Variants in PLEKHG4 observed in about 807,000 individuals in gnomAD.
The protein encoded by PLEKHG4 is puratrophin-1.
A neutral mutation model predicts 136.9 loss-of-function variants in PLEKHG4; 85 were observed. The ratio of observed to expected loss-of-function variants is 0.62; its 90% CI spans 0.52 to 0.74. The LOEUF (loss-of-function observed/expected upper bound fraction) is 0.74, where lower values mean the gene tolerates loss of function less well. Ranked by LOEUF, PLEKHG4 falls within the 30% of genes least tolerant of loss-of-function variation. The probability of loss-of-function intolerance (pLI) is 0.00; values close to 1 mark genes in which losing one functional copy is unlikely to be tolerated. For synonymous variants in PLEKHG4, 577 were observed against 646.9 expected, an observed-to-expected ratio of 0.89 and a Z score of 1.64; for missense variants, 1,317 against 1,527.8, an observed-to-expected ratio of 0.86 and a Z score of 2.30.
intron 18 of PLEKHG4, 149 bp downstream of exon 18, chr16:67,287,326 G>A: frequency 1.2e-6 from 1 of 807,080 alleles, no homozygotes; most frequent in Non-Finnish European, 2.1e-6. Context: ...TTCAAAGCCA[G>A]GCAGCCTTGC....
intron 14 of PLEKHG4, 118 bp from the exon 15 acceptor site, chr16:67,286,156 G>C: frequency 1.3e-6 from 1 of 764,382 alleles, no homozygotes; most frequent in Non-Finnish European, 2.4e-6. Context: ...TGTAGGGGAG[G>C]CCTCCCTAAG....
At position 67,288,647 on chromosome 16, in the gene PLEKHG4, C is replaced by T. The variant is rs761191083; in HGVS notation, c.3570+43C>T. 9.3e-6 allele frequency: 15 copies of T among 1,611,350 alleles called. No homozygotes were observed. In the Admixed American group the frequency reaches 2.3e-4, roughly 25 times the overall value. ...TATACCCACCAGCCCTTCCCCAGCC[C>T]AAGCTGAGCCTGTGACTGTGACCAG... On this transcript the variant is annotated intron_variant, in intron 21 of 21. Transcript: ENST00000379344.
At chr16:67,286,065 TGGG>T (rs1398175617) in intron 14 of PLEKHG4, among the ~76,000 whole-genome samples, 2 of 152,080 alleles carry the variant, frequency 1.3e-5, no homozygotes, top group African/African-American at 4.8e-5. Context: ...GCTTCTTCCT[TGGG>T]GGCCTGTGGG....
chr16:67,279,068 C>T (rs2142414913), upstream of PLEKHG4: 1 of 152,392 alleles, frequency 6.6e-6, no homozygotes, highest in East Asian at 1.9e-4. Flanking sequence ...AAGGCCTTCC[C>T]CTCCCGTCGG....
In PLEKHG4 at chr16:67,286,491, TG is replaced by T. The variant is rs761836233; in HGVS notation, c.2580del (p.Leu861Ter). On this transcript the variant is annotated frameshift_variant, in exon 16 of 22. Coordinates refer to ENST00000379344, the MANE Select transcript of PLEKHG4 (RefSeq NM_001129729.3). LOFTEE classifies it high-confidence loss of function. Reference protein sequence around the residue: ...LGDHLDLASYLLKPIQRMGKY... With the variant: ...LGDHLDLASYXLKPIQRMGKY... ...GACCACCTGGACCTGGCCTCCTACC[TG>T]CTAAAGCCCATCCAGCGCATGGGCA... 1 of 1,605,002 alleles carries T rather than the reference TG, an allele frequency of 6.2e-7. No individual in the cohort carries two copies. The highest frequency in any genetic ancestry group is 1.1e-5 in the South Asian group (1 of 89,998).
In PLEKHG4 at chr16:67,280,352, A is replaced by C; in HGVS notation, c.308A>C (p.Glu103Ala). The change falls in exon 2 of 22, where the codon GAG (glutamate) becomes GCG (alanine). Residue 103 changes from glutamate (E) to alanine (A), a missense_variant. Transcript: ENST00000379344. The surrounding 1 kb of genome is among the most constrained non-coding windows in gnomAD (Gnocchi z 4.4). Reference protein sequence around the residue: ...LSEGPGPSGVESLLCPMSSHL... With the variant: ...LSEGPGPSGVASLLCPMSSHL... Reference sequence around the variant, plus strand: ...GAAGGGCCAGGCCCCTCTGGAGTGGAGAGTCTCCTATGCCCCATGTCCTCC... The same window carrying C: ...GAAGGGCCAGGCCCCTCTGGAGTGGCGAGTCTCCTATGCCCCATGTCCTCC... 1 of 1,613,574 alleles carries C rather than the reference A, an allele frequency of 6.2e-7. No individual in the cohort carries two copies.
intron 15 of PLEKHG4, 34 bp downstream of exon 15, chr16:67,286,397 T>G (rs753522274): frequency 6.2e-7 from 1 of 1,607,924 alleles, no homozygotes; most frequent in Non-Finnish European, 8.5e-7. Flanking sequence ...GAGTAGGGGA[T>G]GCGGGGAGTG....
intron 14 of PLEKHG4, among the ~76,000 whole-genome samples, chr16:67,285,954 G>A (rs1175768551): frequency 2.6e-5 from 4 of 152,176 alleles, no homozygotes; most frequent in Non-Finnish European, 5.9e-5. Context: ...CTGCCAAGGA[G>A]GTGGCTGAGT....
At chr16:67,288,765 C>T (rs1567444023) in intron 21 of PLEKHG4, 38 bp from the exon 22 acceptor site, 1 of 1,613,278 alleles carries the variant, frequency 6.2e-7, no homozygotes, top group Non-Finnish European at 8.5e-7. Flanking sequence ...GGTCCAGAGT[C>T]AGGGAAGCAG....
rs1361153963 is a variant in PLEKHG4 at position 67,285,109 on chromosome 16, G to A, written c.2089G>A (p.Ala697Thr). 8.1e-6 allele frequency: 13 copies of A among 1,613,318 alleles called. No homozygotes were observed. Among genetic ancestry groups the A allele is most frequent in the Non-Finnish European group, 1.0e-5 (12 of 1,180,040 alleles). ...SEPACHCHHA[A>T]TIAACRRPEA... ...ACCTGCCTGCCACTGCCACCATGCG[G>A]CCACTATTGCTGCCTGCCGCAGACC... Residue 697 changes from alanine to threonine, a missense_variant, in exon 13 of 22, where the codon GCC becomes ACC. By Grantham distance (58) the Ala-to-Thr change is moderately conservative. Transcript: ENST00000379344.
In PLEKHG4 at chr16:67,281,149, A is replaced by C; in HGVS notation, c.778A>C (p.Ser260Arg). Residue 260 changes from serine (S) to arginine (R), a missense_variant, in exon 5 of 22, where the codon AGT (serine) becomes CGT (arginine). Transcript: ENST00000379344. Reference protein sequence around the residue: ...VLVDARICAPSSSLFSGLSQL... With the variant: ...VLVDARICAPRSSLFSGLSQL... ...AGTTGATGCCCGAATTTGTGCTCCA[A>C]GTTCTTCCCTCTTCTCTGGGCTCAG... 6.2e-7 allele frequency: 1 copy of C among 1,613,830 alleles called. No homozygotes were observed. The highest frequency in any genetic ancestry group is 1.1e-5 in the South Asian group (1 of 91,070).
At chr16:67,288,634 C>T (rs755547568) in intron 21 of PLEKHG4, 30 bp downstream of exon 21, 18 of 1,612,900 alleles carry the variant, frequency 1.1e-5, no homozygotes, top group Non-Finnish European at 1.4e-5. Flanking sequence ...TACCCACCAG[C>T]CCTTCCCCAG....
Position 67,286,461 on chromosome 16 carries a change from T to G in PLEKHG4, c.2549T>G (p.Leu850Arg). 1 of 1,611,500 alleles carries G rather than the reference T, an allele frequency of 6.2e-7. No individual in the cohort carries two copies. The highest frequency in any genetic ancestry group is 8.5e-7 in the Non-Finnish European group (1 of 1,178,624). ...CGCCCACAGGACAAGCAGCAAGCAC[T>G]GGGGGACCACCTGGACCTGGCCTCC... ...HTFFKDKQQA[L>R]GDHLDLASYL... is the part of the protein sequence containing the mutation. The change falls in exon 16 of 22, where the codon CTG (leucine) becomes CGG (arginine). Residue 850 changes from leucine (L) to arginine (R), a missense_variant. Coordinates refer to ENST00000379344, the MANE Select transcript of PLEKHG4 (RefSeq NM_001129729.3).
In PLEKHG4 at chr16:67,282,025, T is replaced by C. The variant is rs1423628186; in HGVS notation, c.1022T>C (p.Leu341Pro). The C allele has an allele frequency of 2.5e-6, 4 of 1,613,150 alleles. No homozygotes were observed. Among genetic ancestry groups the C allele is most frequent in the Non-Finnish European group, 3.4e-6 (4 of 1,179,888 alleles). Reference protein sequence around the residue: ...LDFRRRLEALLQNCQAACALL... With the variant: ...LDFRRRLEALPQNCQAACALL... ...TGCTTACAGCGGCTGGAAGCTCTAC[T>C]ACAGAACTGCCAGGCAGCTTGTGCC... The change falls in exon 8 of 22, where the codon CTA becomes CCA. Residue 341 changes from leucine to proline, a missense_variant. Transcript: ENST00000379344.
chr16:67,288,057 C>T (rs758456338), intron 19 of PLEKHG4, 43 bp downstream of exon 19: 60 of 1,539,850 alleles, frequency 3.9e-5, no homozygotes, highest in South Asian at 3.0e-4. Flanking sequence ...AGTAGGAAAG[C>T]TGTGCGGGAA....
rs769870227 is a variant in PLEKHG4, at chr16:67,280,387, T to C, written c.343T>C (p.Leu115=). Residue 115 remains leucine (L), a synonymous_variant, in exon 2 of 22, where the codon TTG becomes CTG. Coordinates refer to ENST00000379344, the MANE Select transcript of PLEKHG4 (RefSeq NM_001129729.3). The surrounding 1 kb of genome is among the most constrained non-coding windows in gnomAD (Gnocchi z 4.4). ...LLCPMSSHLS[L]AQGESDTPGV... Reference sequence around the variant, plus strand: ...ATGCCCCATGTCCTCCCACCTCAGCTTGGCACAGGGTGAGAGTGACACCCC... The same window carrying C: ...ATGCCCCATGTCCTCCCACCTCAGCCTGGCACAGGGTGAGAGTGACACCCC... 1.3e-5 allele frequency: 21 copies of C among 1,611,564 alleles called. No individual in the cohort carries two copies. Among genetic ancestry groups the C allele is most frequent in the Non-Finnish European group, 1.8e-5 (21 of 1,178,648 alleles).
At chr16:67,283,429 C>G (rs1406996143) in intron 11 of PLEKHG4, among the ~76,000 whole-genome samples, 1 of 152,042 alleles carries the variant, frequency 6.6e-6, no homozygotes, top group Non-Finnish European at 1.5e-5. Flanking sequence ...AGATTGCCTT[C>G]GTTTCCGAGT....
Position 67,284,275 on chromosome 16 carries a change from G to A in PLEKHG4, c.1510G>A (p.Glu504Lys). Residue 504 changes from glutamate (E) to lysine (K), a missense_variant and splice_region_variant, in exon 12 of 22, where the codon GAG (glutamate) becomes AAG (lysine). Physicochemically the swap from Glu to Lys is moderately conservative, Grantham distance 56. Transcript: ENST00000379344. This position sits in a 1 kb window ranked among gnomAD's most constrained non-coding sequence, Gnocchi z 4.4. ...CTGAGCCTAGTCTCTGTCTCTGCAG[G>A]AGCAGGTCAGGCAAGGGGAGAAGTT... ...SFQELYQVAQ[E>K]QVRQGEKFLQ... 3 of 1,613,674 alleles carry A rather than the reference G, an allele frequency of 1.9e-6. No individual in the cohort carries two copies. Among genetic ancestry groups the A allele is most frequent in the Non-Finnish European group, 2.5e-6 (3 of 1,179,874 alleles).
rs1223840549 is a variant in PLEKHG4 at position 67,287,164 on chromosome 16, C to T, written c.3090C>T (p.Ala1030=). Residue 1030 remains alanine (A), a synonymous_variant, in exon 18 of 22, where the codon GCC becomes GCT. Coordinates refer to ENST00000379344, the MANE Select transcript of PLEKHG4 (RefSeq NM_001129729.3). ...ADISHLLWRQ[A]VHNKEVRMAE... The stretch of plus-strand genomic sequence containing the variant: ...TCTCCCACCTGCTTTGGAGGCAGGC[C>T]GTCCACAACAAGGGTGGGTCCATGC... The T allele has an allele frequency of 8.1e-6, 13 of 1,608,128 alleles. No homozygotes were observed. Among genetic ancestry groups the T allele is most frequent in the African/African-American group, 6.7e-5 (5 of 74,946 alleles).
Sources: allele counts gnomAD v4.1 joint callset (sites outside exome capture counted in the v4.1 genomes callset), GRCh38; gene constraint gnomAD v4.1.1; non-coding constraint Gnocchi (gnomAD v3.1); transcripts MANE v1.5; gene names NCBI Gene and HGNC (gene_info 2026-07-23, HGNC 2026-07-21).